Variants in MMS22L observed in about 807,000 individuals in gnomAD.
MMS22L encodes the protein MMS22 like, DNA repair protein.
A neutral mutation model predicts 159.1 loss-of-function variants in MMS22L; 74 were observed. The ratio of observed to expected loss-of-function variants is 0.47; its 90% confidence interval spans 0.39 to 0.56. MMS22L has a LOEUF of 0.56. MMS22L is among the 20% of genes least tolerant of loss of function. The pLI, the probability that MMS22L is intolerant of heterozygous loss-of-function variation, is 0.00. For missense variants in MMS22L, 1,351 were observed against 1,422.1 expected, an observed-to-expected ratio of 0.95 and a Z score of 0.80; for synonymous variants, 517 against 506.9, an observed-to-expected ratio of 1.02 and a Z score of -0.27.
At chr6:97,224,983 G>A (rs916571779) in intron 14 of MMS22L, among the ~76,000 whole-genome samples, 2 of 152,120 alleles carry the variant, frequency 1.3e-5, no homozygotes, top group East Asian at 3.8e-4. Flanking sequence ...TTAAGAGTCT[G>A]AGTGCCAGTT....
chr6:97,169,087 C>T (rs1803265016), intron 19 of MMS22L, among the ~76,000 whole-genome samples: 1 of 152,034 alleles, frequency 6.6e-6, no homozygotes, highest in Admixed American at 6.6e-5. Flanking sequence ...TAACCTCCAC[C>T]AACTTCAGTT....
chr6:97,189,804 T>C (rs2128285075), intron 14 of MMS22L, among the ~76,000 whole-genome samples: 1 of 152,254 alleles, frequency 6.6e-6, no homozygotes, highest in South Asian at 2.1e-4. Flanking sequence ...TGCTCAATAG[T>C]TTGAAAGTTC....
intron 4 of MMS22L, among the ~76,000 whole-genome samples, chr6:97,277,885 G>A (rs1370046273): frequency 6.6e-6 from 1 of 152,164 alleles, no homozygotes; most frequent in East Asian, 1.9e-4. Context: ...GACCAAAAGT[G>A]TTCCAGGTAG....
intron 14 of MMS22L, among the ~76,000 whole-genome samples, chr6:97,224,733 A>ATT (rs989536435): frequency 4.1e-5 from 6 of 145,170 alleles, no homozygotes; most frequent in Non-Finnish European, 7.6e-5. Context: ...TTCATCTCTA[A>ATT]TTTTTTTTTT....
In MMS22L at chr6:97,145,543, T is replaced by A. The variant is rs1201953096; in HGVS notation, c.*1263A>T. The A allele has an allele frequency of 1.3e-5, 2 of 152,178 alleles. No homozygotes were observed. Among genetic ancestry groups the A allele is most frequent in the East Asian group, 3.8e-4 (2 of 5,198 alleles). 9.4% of individuals were successfully genotyped at this position (152,178 alleles called of 1,614,324 possible). A position where few individuals can be genotyped will look rare whatever the true frequency, so the allele number is the denominator to read the frequency against. ...GGATCATTCATCTGGGACATATCAT[T>A]AGAGAAAGATAAAATTGAGAGGTGT... On this transcript the variant is annotated 3_prime_UTR_variant, in exon 25 of 25. Transcript: ENST00000683635.
Position 97,281,365 on chromosome 6 carries a change from G to C in MMS22L, c.165-3C>G. ...AAGGGTCAAGATTCAAAATCAATCTGAAATGAAAATTGTTTCAATCTCATA... is the reference window on the plus strand; with the variant it reads ...AAGGGTCAAGATTCAAAATCAATCTCAAATGAAAATTGTTTCAATCTCATA... On this transcript the variant is annotated splice_polypyrimidine_tract_variant and splice_region_variant and intron_variant, in intron 2 of 24. Coordinates refer to ENST00000683635, the MANE Select transcript of MMS22L (RefSeq NM_001350599.2). The C allele has an allele frequency of 6.3e-7, 1 of 1,589,102 alleles. No homozygotes were observed.
chr6:97,215,112 A>ATTT (rs1168133987), intron 14 of MMS22L, among the ~76,000 whole-genome samples: 18 of 80,072 alleles, frequency 2.2e-4, no homozygotes, highest in African/African-American at 6.5e-4. Flanking sequence ...ATATATATAT[A>ATTT]TATTTTTTTT....
intron 2 of MMS22L, among the ~76,000 whole-genome samples, chr6:97,281,976 C>T (rs1415454226): frequency 6.6e-6 from 1 of 152,140 alleles, no homozygotes; most frequent in Non-Finnish European, 1.5e-5. Context: ...TACTGGAAAG[C>T]TCTAGAATAT....
intron 11 of MMS22L, among the ~76,000 whole-genome samples, chr6:97,240,887 A>G (rs1242501477): frequency 6.6e-6 from 1 of 151,902 alleles, no homozygotes; most frequent in Non-Finnish European, 1.5e-5. Flanking sequence ...TTGGCCTCCC[A>G]AAGTGCTGGG....
At chr6:97,240,630 A>ATT (rs35779472) in intron 11 of MMS22L, among the ~76,000 whole-genome samples, 93,451 of 147,020 alleles carry the variant, frequency 0.64, 30,869 homozygotes, top group Non-Finnish European at 0.75. Flanking sequence ...AAGTATGGTC[A>ATT]TTTTTTTTTT....
At chr6:97,213,504 G>T (rs1472904803) in intron 14 of MMS22L, among the ~76,000 whole-genome samples, 1 of 152,214 alleles carries the variant, frequency 6.6e-6, no homozygotes, top group Non-Finnish European at 1.5e-5. Flanking sequence ...AGGCAGTGTA[G>T]ATAAAAGGAG....
At chr6:97,259,601 T>G (rs925184728) in intron 9 of MMS22L, 8 of 152,098 alleles carry the variant, frequency 5.3e-5, no homozygotes, top group African/African-American at 1.7e-4. Flanking sequence ...GACTGGAAAC[T>G]ATACCATCAG....
chr6:97,244,441 G>A (rs1812416600), intron 11 of MMS22L, among the ~76,000 whole-genome samples: 2 of 152,194 alleles, frequency 1.3e-5, no homozygotes, highest in Admixed American at 6.5e-5. Flanking sequence ...GGGTGTGTCT[G>A]TGAGGGTGCT....
chr6:97,250,536 G>C (rs532358775), intron 10 of MMS22L, among the ~76,000 whole-genome samples: 3 of 152,084 alleles, frequency 2.0e-5, no homozygotes, highest in Admixed American at 6.5e-5. Context: ...GACTAGAATC[G>C]TGAGAGAGTA....
In MMS22L at chr6:97,157,704, T is replaced by TA. The variant is rs750789354; in HGVS notation, c.3385+4297_3385+4298insT. ...GTGGTGGATAAGCTTTTTGATGTGCTGCTGGCTTCGGTTTGCCAGTATTTT... is the reference window on the plus strand; with the variant it reads ...GTGGTGGATAAGCTTTTTGATGTGCTAGCTGGCTTCGGTTTGCCAGTATTTT... On this transcript the variant is annotated intron_variant, in intron 22 of 24. Coordinates refer to ENST00000683635, the MANE Select transcript of MMS22L (RefSeq NM_001350599.2). 5.2e-4 allele frequency among the ~76,000 whole-genome samples: 79 copies of TA among 152,350 alleles called. 1 individual carries two copies. The highest frequency in any genetic ancestry group is 1.0e-3 in the Admixed American group (16 of 15,298).
intron 10 of MMS22L, among the ~76,000 whole-genome samples, chr6:97,248,714 G>A (rs911732481): frequency 6.6e-6 from 1 of 151,942 alleles, no homozygotes; most frequent in Non-Finnish European, 1.5e-5. Context: ...CAAAAATTAG[G>A]AGGGTGTGGT....
chr6:97,212,534 A>G (rs1808499512), intron 14 of MMS22L, among the ~76,000 whole-genome samples: 1 of 152,158 alleles, frequency 6.6e-6, no homozygotes, highest in African/African-American at 2.4e-5. Context: ...AAAAGCAATC[A>G]CCGCTAGGTA....
chr6:97,160,675 T>G (rs1002502591), intron 22 of MMS22L, among the ~76,000 whole-genome samples: 1 of 152,032 alleles, frequency 6.6e-6, no homozygotes. Flanking sequence ...ATTTTAGAAA[T>G]TATATTTTAT....
rs1055780046 is a variant in MMS22L at position 97,235,994 on chromosome 6, G to A, written c.1183-2014C>T. 2.0e-5 allele frequency among the ~76,000 whole-genome samples: 3 copies of A among 152,052 alleles called. No individual in the cohort carries two copies. The East Asian group carries it at 5.8e-4, about 29-fold the overall frequency. On this transcript the variant is annotated intron_variant, in intron 11 of 24. Coordinates refer to ENST00000683635, the MANE Select transcript of MMS22L (RefSeq NM_001350599.2). ...GATTTATGAGGCAAGATGTTAACCC[G>A]AATGGATTGGAGAAGAGTACGTATT...
Sources: allele counts gnomAD v4.1 joint callset (sites outside exome capture counted in the v4.1 genomes callset), GRCh38; gene constraint gnomAD v4.1.1; transcripts MANE v1.5; gene names NCBI Gene and HGNC (gene_info 2026-07-23, HGNC 2026-07-21).